The following TIMP2 variants were observed in gnomAD, a reference collection of about 807,000 sequenced individuals.
The protein encoded by TIMP2 is TIMP metallopeptidase inhibitor 2, also known as metalloproteinase inhibitor 2.
A neutral mutation model predicts 24.3 loss-of-function variants in TIMP2; 5 were observed. The observed-to-expected ratio is 0.21, with a 90% confidence interval of 0.11 to 0.43. The LOEUF is 0.43. Ranked by LOEUF, TIMP2 falls within the 20% of genes least tolerant of loss-of-function variation. The pLI is 1.00. For synonymous variants in TIMP2, 130 were observed against 123.2 expected, an observed-to-expected ratio of 1.06 and a Z score of -0.37; for missense variants, 221 against 297.5, an observed-to-expected ratio of 0.74 and a Z score of 1.89.
intron 1 of TIMP2, among the ~76,000 whole-genome samples, chr17:78,910,476 G>A (rs1480966254): frequency 6.6e-6 from 1 of 152,076 alleles, no homozygotes; most frequent in Non-Finnish European, 1.5e-5. Flanking sequence ...TAAAGGTGTG[G>A]GCCACCGCCT....
intron 3 of TIMP2, among the ~76,000 whole-genome samples, chr17:78,869,139 G>C (rs2069645305): frequency 6.6e-6 from 1 of 152,206 alleles, no homozygotes; most frequent in Non-Finnish European, 1.5e-5. Context: ...TAAAAATATA[G>C]GCTGGGCACA....
Position 78,891,345 on chromosome 17 carries a change from C to A in TIMP2, c.131-17426G>T. The A allele has an allele frequency of 1.3e-6, 2 of 1,550,352 alleles. No individual in the cohort carries two copies. Among genetic ancestry groups the A allele is most frequent in the Non-Finnish European group, 8.7e-7 (1 of 1,146,914 alleles). ...ATTTTCTTCCCTCTTGGGGTCCCAG[C>A]GCCACACTCTTGCATCTCTGAGAAG... On this transcript the variant is annotated intron_variant, in intron 1 of 4. Transcript: ENST00000262768. The surrounding 1 kb of genome is among the most constrained non-coding windows in gnomAD (Gnocchi z 4.5).
intron 1 of TIMP2, chr17:78,898,418 CTGCTTGGACTG>C (rs1447340220): frequency 6.6e-6 from 1 of 152,288 alleles, no homozygotes; most frequent in East Asian, 1.9e-4. Flanking sequence ...CAAGGAGACT[CTGCTTGGACTG>C]TGCTTGGCCT....
At chr17:78,879,772 G>A (rs915043609) in intron 1 of TIMP2, among the ~76,000 whole-genome samples, 6 of 152,128 alleles carry the variant, frequency 3.9e-5, no homozygotes, top group Non-Finnish European at 8.8e-5. Context: ...GCCAGATGCC[G>A]GCTACTGGAA....
chr17:78,908,375 T>C (rs1013095417), intron 1 of TIMP2, among the ~76,000 whole-genome samples: 2 of 152,188 alleles, frequency 1.3e-5, no homozygotes, highest in African/African-American at 4.8e-5. Flanking sequence ...ATTTTTAAAG[T>C]CCTTGATCAC....
intron 1 of TIMP2, among the ~76,000 whole-genome samples, chr17:78,912,320 C>T (rs2070216268): frequency 6.6e-6 from 1 of 152,224 alleles, no homozygotes; most frequent in South Asian, 2.1e-4. Context: ...CCATGACGAG[C>T]CTTGGCAAAG....
intron 1 of TIMP2, chr17:78,898,165 T>A (rs1476284831): frequency 6.6e-6 from 1 of 152,258 alleles, no homozygotes; most frequent in Non-Finnish European, 1.5e-5. Flanking sequence ...CAGGGTTTCA[T>A]ACTCTTCCGG....
At chr17:78,866,485 T>A (rs1261707730) in intron 3 of TIMP2, among the ~76,000 whole-genome samples, 1 of 151,960 alleles carries the variant, frequency 6.6e-6, no homozygotes, top group African/African-American at 2.4e-5. Context: ...CTCAAATGGT[T>A]AAACCTAAAG....
At chr17:78,874,538 T>A (rs2069712782) in intron 1 of TIMP2, among the ~76,000 whole-genome samples, 1 of 152,172 alleles carries the variant, frequency 6.6e-6, no homozygotes, top group Non-Finnish European at 1.5e-5. Flanking sequence ...ATCCAGCTCT[T>A]CTCATCTTTC....
chr17:78,924,729 T>G lies in TIMP2; in HGVS notation c.130+230A>C, dbSNP rs1165654538. On this transcript the variant is annotated intron_variant, in intron 1 of 4. Transcript: ENST00000262768. This position sits in a 1 kb window ranked among gnomAD's most constrained non-coding sequence, Gnocchi z 5.3. ...GCTGCGGCGGAATTTCGGTGGAATT[T>G]TGAGGTTGAGACGCATCTCGGCAAA... Among the ~76,000 whole-genome samples, 1 of 151,864 alleles carries G rather than the reference T, an allele frequency of 6.6e-6. No individual in the cohort carries two copies. Among genetic ancestry groups the G allele is most frequent in the Admixed American group, 6.6e-5 (1 of 15,260 alleles).
chr17:78,914,414 C>A (rs1310397536), intron 1 of TIMP2, among the ~76,000 whole-genome samples: 1 of 151,920 alleles, frequency 6.6e-6, no homozygotes, highest in Non-Finnish European at 1.5e-5. Context: ...TCTTGAATAG[C>A]TGGGATTACA....
chr17:78,873,967 C>G, intron 1 of TIMP2, 48 bp from the exon 2 acceptor site: 1 of 1,568,638 alleles, frequency 6.4e-7, no homozygotes. Context: ...GAAACACGCT[C>G]CTGGGGCTAA....
chr17:78,902,080 C>T lies in TIMP2; in HGVS notation c.130+22879G>A, dbSNP rs150130281. 2.0e-4 allele frequency among the ~76,000 whole-genome samples: 31 copies of T among 152,368 alleles called. No homozygotes were observed. In the East Asian group the frequency reaches 5.0e-3, roughly 25 times the overall value. On this transcript the variant is annotated intron_variant, in intron 1 of 4. Transcript: ENST00000262768. The stretch of plus-strand genomic sequence containing the variant: ...CCCTCTTCTCCCCAACTCTTAGCCA[C>T]GTCCCAGTGGTGGCGGGGGGACGGG...
Position 78,873,894 on chromosome 17 carries a change from C to A in TIMP2, c.156G>T (p.Glu52Asp). The change falls in exon 2 of 5, where the codon GAG (glutamate) becomes GAT (aspartate). Residue 52 changes from glutamate to aspartate, a missense_variant. Physicochemically the swap from Glu to Asp is conservative, Grantham distance 45. Transcript: ENST00000262768. ...DVVIRAKAVS[E>D]KEVDSGNDIY... ...TGTCGTTTCCAGAGTCCACTTCCTT[C>A]TCACTGACCGCTTTGGCCCTGATCA... is the stretch of plus-strand genomic sequence containing the variant. The A allele has an allele frequency of 6.2e-7, 1 of 1,613,492 alleles. No homozygotes were observed. The highest frequency in any genetic ancestry group is 8.5e-7 in the Non-Finnish European group (1 of 1,180,002).
chr17:78,901,399 G>A (rs937549589), intron 1 of TIMP2: 3 of 261,122 alleles, frequency 1.1e-5, no homozygotes, highest in African/African-American at 6.7e-5. Flanking sequence ...GAGCAAATCT[G>A]AACGAGGGAG....
At position 78,870,930 on chromosome 17, in the gene TIMP2, T is replaced by G; in HGVS notation, c.308A>C (p.Asp103Ala). ...GAGATATTCCTTCTTTCCTCCAACG[T>G]CCAGCGAGACCCCACACACTGCCGA... ...PSSAVCGVSL[D>A]VGGKKEYLIA... Residue 103 changes from aspartate to alanine, a missense_variant, in exon 3 of 5, where the codon GAC (aspartate) becomes GCC (alanine). Transcript: ENST00000262768. The G allele has an allele frequency of 6.2e-7, 1 of 1,613,878 alleles. No homozygotes were observed. Among genetic ancestry groups the G allele is most frequent in the Non-Finnish European group, 8.5e-7 (1 of 1,179,938 alleles).
intron 1 of TIMP2, among the ~76,000 whole-genome samples, chr17:78,875,220 A>ACAGGGG (rs1488531877): frequency 2.0e-5 from 3 of 152,196 alleles, no homozygotes; most frequent in African/African-American, 7.2e-5. Flanking sequence ...CAGGGGCACA[A>ACAGGGG]CAGGGGCAGG....
chr17:78,885,897 C>G (rs1268289675), intron 1 of TIMP2, among the ~76,000 whole-genome samples: 1 of 152,192 alleles, frequency 6.6e-6, no homozygotes, highest in Admixed American at 6.5e-5. Context: ...ACAGCCCTTT[C>G]TACCGCAGTC....
At chr17:78,892,548 T>G (rs1250455042) in intron 1 of TIMP2, 1 of 1,463,498 alleles carries the variant, frequency 6.8e-7, no homozygotes, top group Non-Finnish European at 9.0e-7. Flanking sequence ...GGATTCTCAC[T>G]GTGAGGACAG....
Sources: allele counts gnomAD v4.1 joint callset (sites outside exome capture counted in the v4.1 genomes callset), GRCh38; gene constraint gnomAD v4.1.1; non-coding constraint Gnocchi (gnomAD v3.1); transcripts MANE v1.5; gene names NCBI Gene and HGNC (gene_info 2026-07-23, HGNC 2026-07-21).